KDM5A: variants seen among roughly 807,000 people sequenced by gnomAD.
The protein encoded by KDM5A is lysine-specific demethylase 5A.
KDM5A carries 42 observed loss-of-function variants against 193.5 expected under a neutral mutation model. The ratio of observed to expected loss-of-function variants is 0.22; its 90% confidence interval spans 0.17 to 0.28. The LOEUF is 0.28. Ranked by LOEUF, KDM5A falls within the 10% of genes least tolerant of loss-of-function variation. KDM5A has a pLI of 1.00. For missense variants in KDM5A, 1,692 were observed against 2,055.1 expected (o/e 0.82, Z 3.42); for synonymous variants, 796 against 718.1 (o/e 1.11, Z -1.73).
chr12:306,603 C>T (rs573604145), intron 24 of KDM5A, among the ~76,000 whole-genome samples: 2 of 152,014 alleles, frequency 1.3e-5, no homozygotes, highest in East Asian at 3.9e-4. Flanking sequence ...ATTAGCCAGG[C>T]AGAGTGGCAT....
At position 283,828 on chromosome 12, in the gene KDM5A, T is replaced by A. The variant is rs752257430; in HGVS notation, c.*1628A>T. 5.7e-5 allele frequency: 13 copies of A among 228,010 alleles called. No homozygotes were observed. Among genetic ancestry groups the A allele is most frequent in the African/African-American group, 2.5e-4 (11 of 44,700 alleles). 14.1% of individuals were successfully genotyped at this position (228,010 alleles called of 1,614,324 possible). A position where few individuals can be genotyped will look rare whatever the true frequency, so the allele number is the denominator to read the frequency against. Reference sequence around the variant, plus strand: ...TTTAGTCATTTTTTTTTTTGTCCTTTAAAAAAAAATTAGTCCCCTTCTAAT... The same window carrying A: ...TTTAGTCATTTTTTTTTTTGTCCTTAAAAAAAAAATTAGTCCCCTTCTAAT... On this transcript the variant is annotated 3_prime_UTR_variant, in exon 28 of 28. Coordinates refer to ENST00000399788, the MANE Select transcript of KDM5A (RefSeq NM_001042603.3).
At chr12:323,472 G>T in intron 15 of KDM5A, 128 bp downstream of exon 15, 2 of 1,036,920 alleles carry the variant, frequency 1.9e-6, no homozygotes, top group Non-Finnish European at 2.9e-6. Context: ...TGGTCTTCAA[G>T]CCTAGAAGTA....
At chr12:354,627 C>A (rs868537291) in intron 7 of KDM5A, among the ~76,000 whole-genome samples, 1 of 151,980 alleles carries the variant, frequency 6.6e-6, no homozygotes, top group Non-Finnish European at 1.5e-5. Context: ...ATTAGCCAGG[C>A]ATGGTGGCAG....
At chr12:316,600 T>C (rs139697539) in intron 19 of KDM5A, among the ~76,000 whole-genome samples, 2 of 152,314 alleles carry the variant, frequency 1.3e-5, no homozygotes, top group East Asian at 3.9e-4. Flanking sequence ...GGTGGCCTAC[T>C]ACCAGGTGCG....
intron 1 of KDM5A, chr12:388,455 A>C: frequency 7.7e-6 from 3 of 390,028 alleles, no homozygotes; most frequent in Non-Finnish European, 1.5e-5. Context: ...ATTAGTCTGG[A>C]GTTCTTGTCT....
intron 24 of KDM5A, among the ~76,000 whole-genome samples, chr12:299,698 A>G (rs1454080705): frequency 6.6e-6 from 1 of 152,186 alleles, no homozygotes; most frequent in Non-Finnish European, 1.5e-5. Context: ...ACACATAACA[A>G]TATTAAATGT....
At chr12:306,793 G>T in intron 24 of KDM5A, 153 bp downstream of exon 24, 6 of 796,094 alleles carry the variant, frequency 7.5e-6, no homozygotes, top group Admixed American at 2.3e-5. Context: ...TTTGAGTTTT[G>T]AAAAAATGCT....
rs2137389694 is a variant in KDM5A, at chr12:307,886, G to A, written c.3498C>T (p.Cys1166=). The A allele has an allele frequency of 1.2e-6, 2 of 1,614,116 alleles. No homozygotes were observed. The highest frequency in any genetic ancestry group is 1.7e-6 in the Non-Finnish European group (2 of 1,179,998). The stretch of plus-strand genomic sequence containing the variant: ...GCATAAACCCACTGGCTGTCTTGCG[G>A]CAAATGCAAAATTTTACTTCTTCTA... ...DRIEEVKFCI[C]RKTASGFMLQ... is the part of the protein sequence containing the mutation. The change falls in exon 23 of 28, where the codon TGC becomes TGT. Residue 1166 remains cysteine (C), a synonymous_variant. Transcript: ENST00000399788. This position sits in a 1 kb window ranked among gnomAD's most constrained non-coding sequence, Gnocchi z 4.3.
At chr12:355,057 A>G in intron 7 of KDM5A, 101 bp downstream of exon 7, 2 of 786,060 alleles carry the variant, frequency 2.5e-6, no homozygotes. Flanking sequence ...CTTCTAACCA[A>G]ACGAGCTAAC....
chr12:386,061 A>T (rs1207383003), intron 1 of KDM5A, 87 bp from the exon 2 acceptor site: 3 of 930,436 alleles, frequency 3.2e-6, no homozygotes, highest in Non-Finnish European at 5.3e-6. Flanking sequence ...GTTTTGCCAC[A>T]AATCATGGTG....
At chr12:298,985 A>G (rs899203823) in intron 24 of KDM5A, among the ~76,000 whole-genome samples, 1 of 152,010 alleles carries the variant, frequency 6.6e-6, no homozygotes, top group Admixed American at 6.6e-5. Flanking sequence ...ATAAAGTGAG[A>G]GGACAAGATT....
At chr12:370,048 T>A (rs1944406079) in intron 3 of KDM5A, among the ~76,000 whole-genome samples, 1 of 152,144 alleles carries the variant, frequency 6.6e-6, no homozygotes, top group Admixed American at 6.5e-5. Flanking sequence ...CAAAACCTAA[T>A]ACCTGTTTTT....
intron 5 of KDM5A, among the ~76,000 whole-genome samples, chr12:361,888 A>G (rs1944297906): frequency 1.3e-5 from 2 of 152,248 alleles, no homozygotes; most frequent in South Asian, 4.1e-4. Flanking sequence ...ACATAAACTC[A>G]GAAAAAGAAA....
At chr12:306,872 T>A (rs2137386172) in intron 24 of KDM5A, 74 bp downstream of exon 24, 1 of 1,413,226 alleles carries the variant, frequency 7.1e-7, no homozygotes. Flanking sequence ...AACATCACTG[T>A]TCAATAGCTT....
At chr12:358,247 C>T (rs1359011842) in intron 5 of KDM5A, among the ~76,000 whole-genome samples, 1 of 152,070 alleles carries the variant, frequency 6.6e-6, no homozygotes, top group Non-Finnish European at 1.5e-5. Context: ...AAAGAATAAG[C>T]ATGAAAATAA....
intron 14 of KDM5A, among the ~76,000 whole-genome samples, chr12:326,885 A>AG (rs1943795655): frequency 6.6e-6 from 1 of 150,476 alleles, no homozygotes; most frequent in Non-Finnish European, 1.5e-5. Context: ...AAAAAAAAAA[A>AG]AAAAAAGAAA....
rs528578525 is a variant in KDM5A at position 386,036 on chromosome 12, T to G, written c.166-62A>C. 3.0e-4 allele frequency: 399 copies of G among 1,320,486 alleles called. No individual in the cohort carries two copies. In the African/African-American group the frequency reaches 5.2e-3, roughly 17 times the overall value. 81.8% of individuals were successfully genotyped at this position (1,320,486 alleles called of 1,614,324 possible). A position where few individuals can be genotyped will look rare whatever the true frequency, so the allele number is the denominator to read the frequency against. ...ATGTAAACAAGGAATGCATTAATTATTCCCTTAAAGGGGGGTTTTGCCACA... is the reference window on the plus strand; with the variant it reads ...ATGTAAACAAGGAATGCATTAATTAGTCCCTTAAAGGGGGGTTTTGCCACA... On this transcript the variant is annotated intron_variant, in intron 1 of 27. Transcript: ENST00000399788.
chr12:294,995 C>T (rs892890126), intron 26 of KDM5A, among the ~76,000 whole-genome samples: 14 of 152,160 alleles, frequency 9.2e-5, no homozygotes, highest in Admixed American at 6.5e-5. Context: ...CTCTCCCCCC[C>T]AGGCTTCTAC....
chr12:359,879 G>T (rs1944274427), intron 5 of KDM5A, among the ~76,000 whole-genome samples: 1 of 151,374 alleles, frequency 6.6e-6, no homozygotes, highest in African/African-American at 2.4e-5. Context: ...GAAGGAAGAG[G>T]TGATAATACA....
Sources: gnomAD v4.1 joint callset for allele counts (sites outside exome capture counted in the v4.1 genomes callset) on GRCh38, gnomAD v4.1.1 for gene constraint, Gnocchi (gnomAD v3.1) non-coding constraint, MANE v1.5 for transcripts, NCBI Gene and HGNC (gene_info 2026-07-23, HGNC 2026-07-21) for gene names.